The following CSMD1 variants were observed in gnomAD, a reference collection of about 807,000 sequenced individuals.
CSMD1 encodes the protein CUB and sushi domain-containing protein 1.
Under a neutral mutation model 417.5 loss-of-function variants are expected in CSMD1, and 213 were observed. The ratio of observed to expected loss-of-function variants is 0.51; its 90% CI spans 0.46 to 0.57. The LOEUF is 0.57. Among genes scored for constraint, CSMD1 ranks in the 20% least tolerant of loss-of-function variants. The pLI, the probability that CSMD1 is intolerant of heterozygous loss-of-function variation, is 0.00. For synonymous variants in CSMD1, 2,862 were observed against 1,736.8 expected (o/e 1.65, Z -16.11); for missense variants, 6,923 against 4,529.7 (o/e 1.53, Z -15.17).
chr8:4,583,678 C>T (rs951953257), intron 2 of CSMD1, among the ~76,000 whole-genome samples: 1 of 152,092 alleles, frequency 6.6e-6, no homozygotes, highest in Non-Finnish European at 1.5e-5. Context: ...CTGATGGGGT[C>T]GTGGAGAACC....
At chr8:4,598,373 T>C (rs1241906240) in intron 2 of CSMD1, among the ~76,000 whole-genome samples, 2 of 152,174 alleles carry the variant, frequency 1.3e-5, no homozygotes, top group Admixed American at 6.5e-5. Context: ...GGTGCCTAGA[T>C]ATTAGCTCTA....
At chr8:3,569,783 G>A (rs1473941051) in intron 10 of CSMD1, among the ~76,000 whole-genome samples, 2 of 152,160 alleles carry the variant, frequency 1.3e-5, no homozygotes, top group African/African-American at 4.8e-5. Flanking sequence ...AATTTGGATG[G>A]TAATTCTGCT....
chr8:3,449,963 C>G (rs944566427), intron 12 of CSMD1, among the ~76,000 whole-genome samples: 6 of 152,182 alleles, frequency 3.9e-5, no homozygotes, highest in African/African-American at 7.2e-5. Context: ...TTGCCATAAT[C>G]AAGCGTTTTA....
chr8:3,325,724 T>G (rs1015130363), intron 23 of CSMD1, among the ~76,000 whole-genome samples: 2 of 152,066 alleles, frequency 1.3e-5, no homozygotes, highest in African/African-American at 2.4e-5. Context: ...CTCGGGAAGC[T>G]GAGGCAAGGG....
chr8:4,500,500 G>C (rs147604461), intron 2 of CSMD1, among the ~76,000 whole-genome samples: 1 of 152,298 alleles, frequency 6.6e-6, no homozygotes, highest in East Asian at 1.9e-4. Flanking sequence ...GACTCCTTTT[G>C]TGTAAATTGA....
chr8:4,173,800 G>A (rs1346657610), intron 3 of CSMD1, among the ~76,000 whole-genome samples: 1 of 152,030 alleles, frequency 6.6e-6, no homozygotes, highest in Non-Finnish European at 1.5e-5. Flanking sequence ...TTAGTGGTGA[G>A]GTGCGCTTGA....
At position 4,994,528 on chromosome 8, in the gene CSMD1, G is replaced by T. The variant is rs1230649161; in HGVS notation, c.-112C>A. ...GCAAGGCGAGCCGGAGAGAGAGCCCGGTCCCAAGACCCGCCGCGCATCCGA... is the reference window on the plus strand; with the variant it reads ...GCAAGGCGAGCCGGAGAGAGAGCCCTGTCCCAAGACCCGCCGCGCATCCGA... On this transcript the variant is annotated 5_prime_UTR_variant, in exon 1 of 70. Coordinates refer to ENST00000635120, the MANE Select transcript of CSMD1 (RefSeq NM_033225.6). 7.1e-6 allele frequency: 7 copies of T among 991,764 alleles called. No homozygotes were observed. The East Asian group carries it at 7.9e-5, about 11-fold the overall frequency. The allele number at this position is 991,764 out of a possible 1,614,324, so 61.4% of individuals were successfully genotyped here.
chr8:3,833,704 G>C (rs1340128789), intron 5 of CSMD1, among the ~76,000 whole-genome samples: 3 of 151,934 alleles, frequency 2.0e-5, no homozygotes, highest in East Asian at 1.9e-4. Flanking sequence ...TTTCTGACTG[G>C]TTACATATAT....
chr8:3,731,762 A>G (rs1172621865), intron 6 of CSMD1, among the ~76,000 whole-genome samples: 1 of 152,172 alleles, frequency 6.6e-6, no homozygotes, highest in African/African-American at 2.4e-5. Context: ...AGCAATACCA[A>G]TATTAATGGT....
At chr8:4,433,522 T>G (rs924938249) in intron 2 of CSMD1, among the ~76,000 whole-genome samples, 1 of 151,580 alleles carries the variant, frequency 6.6e-6, no homozygotes, top group African/African-American at 2.4e-5. Flanking sequence ...CAGCCCCAGA[T>G]CCCCCTGCCG....
Position 4,289,597 on chromosome 8 carries a change from G to T in CSMD1, c.415+130356C>A, listed in dbSNP as rs563672861. 1.1e-4 allele frequency among the ~76,000 whole-genome samples: 17 copies of T among 152,280 alleles called. No individual in the cohort carries two copies. In the South Asian group the frequency reaches 3.3e-3, roughly 30 times the overall value. ...CATTTTGTCCAGGTCTGGCAGTGAC[G>T]ATGGTGCCGTGGATGATGGTGGGGA... On this transcript the variant is annotated intron_variant, in intron 3 of 69. Transcript: ENST00000635120.
chr8:3,722,550 T>C (rs1275970888), intron 6 of CSMD1, among the ~76,000 whole-genome samples: 1 of 152,162 alleles, frequency 6.6e-6, no homozygotes, highest in Non-Finnish European at 1.5e-5. Flanking sequence ...CCTTCTTACC[T>C]CTTGTCAATG....
At chr8:4,647,640 C>G (rs1046548685) in intron 1 of CSMD1, among the ~76,000 whole-genome samples, 2 of 152,102 alleles carry the variant, frequency 1.3e-5, no homozygotes. Context: ...TGTTCAGCTC[C>G]CACTTGTGAG....
chr8:4,186,103 T>A (rs3849838), intron 3 of CSMD1, among the ~76,000 whole-genome samples: 5 of 151,952 alleles, frequency 3.3e-5, no homozygotes, highest in African/African-American at 7.3e-5. Context: ...CCTCTTTGAT[T>A]GGGCCATGCC....
intron 3 of CSMD1, among the ~76,000 whole-genome samples, chr8:4,105,209 G>T (rs1324361433): frequency 6.6e-6 from 1 of 152,128 alleles, no homozygotes; most frequent in Non-Finnish European, 1.5e-5. Context: ...TCCAAGGGCA[G>T]AAAAAGCTCA....
chr8:4,427,228 A>T (rs918045425), intron 2 of CSMD1, among the ~76,000 whole-genome samples: 4 of 152,176 alleles, frequency 2.6e-5, no homozygotes, highest in African/African-American at 7.2e-5. Flanking sequence ...AGAGAGGCAC[A>T]CGCCGTGCCC....
intron 5 of CSMD1, among the ~76,000 whole-genome samples, chr8:3,876,903 A>T (rs1585127098): frequency 6.6e-6 from 1 of 152,146 alleles, no homozygotes. Flanking sequence ...GGCATGATCC[A>T]CTCTGTCCAG....
At chr8:4,888,173 G>C (rs914710717) in intron 1 of CSMD1, among the ~76,000 whole-genome samples, 2 of 151,362 alleles carry the variant, frequency 1.3e-5, no homozygotes, top group African/African-American at 4.9e-5. Context: ...TGATACATTG[G>C]TACATCCATA....
At chr8:4,345,957 C>T (rs901600256) in intron 3 of CSMD1, among the ~76,000 whole-genome samples, 2 of 152,128 alleles carry the variant, frequency 1.3e-5, no homozygotes, top group South Asian at 2.1e-4. Context: ...AAACTACGCT[C>T]TTCATACTGA....
Sources: gnomAD v4.1 joint callset for allele counts (sites outside exome capture counted in the v4.1 genomes callset) on GRCh38, gnomAD v4.1.1 for gene constraint, MANE v1.5 for transcripts, NCBI Gene and HGNC (gene_info 2026-07-23, HGNC 2026-07-21) for gene names.